UBR3: variants seen among roughly 807,000 people sequenced by gnomAD.
UBR3 encodes ubiquitin protein ligase E3 component n-recognin 3.
In UBR3, 85 loss-of-function variants were observed where a neutral mutation model predicts 243.2. The observed-to-expected ratio is 0.35, with a 90% confidence interval of 0.29 to 0.42. The LOEUF (loss-of-function observed/expected upper bound fraction) is 0.42, where lower values mean the gene tolerates loss of function less well. Ranked by LOEUF, UBR3 falls within the 10% of genes least tolerant of loss-of-function variation. UBR3 has a pLI of 1.00. For missense variants in UBR3, 1,686 were observed against 2,300.8 expected (o/e 0.73, Z 5.47); for synonymous variants, 748 against 799.8 (o/e 0.94, Z 1.09).
intron 1 of UBR3, among the ~76,000 whole-genome samples, chr2:169,840,761 GCCT>G (rs1443247959): frequency 6.6e-6 from 1 of 152,186 alleles, no homozygotes; most frequent in Non-Finnish European, 1.5e-5. Context: ...AGGAAGCCAT[GCCT>G]CCACAGCCTG....
At chr2:169,897,357 C>A (rs539773578) in intron 8 of UBR3, among the ~76,000 whole-genome samples, 1 of 152,092 alleles carries the variant, frequency 6.6e-6, no homozygotes, top group Non-Finnish European at 1.5e-5. Context: ...CTTCAACCTG[C>A]CATAATGTTT....
At chr2:169,891,613 G>GAC (rs3082964) in intron 6 of UBR3, among the ~76,000 whole-genome samples, 40,748 of 148,638 alleles carry the variant, frequency 0.27, 6,397 homozygotes, top group Non-Finnish European at 0.37. Context: ...GAGAGACAGA[G>GAC]ACACACACAC....
Position 169,942,477 on chromosome 2 carries a change from T to C in UBR3, c.2664-16T>C. The C allele has an allele frequency of 6.5e-7, 1 of 1,529,940 alleles. No homozygotes were observed. The highest frequency in any genetic ancestry group is 2.2e-5 in the Admixed American group (1 of 45,570). The allele number at this position is 1,529,940 out of a possible 1,614,324, so 94.8% of individuals were successfully genotyped here. On this transcript the variant is annotated splice_polypyrimidine_tract_variant and intron_variant, in intron 19 of 38. Transcript: ENST00000272793. The stretch of plus-strand genomic sequence containing the variant: ...TGAGGCTATCATCTAATTCTAGTTT[T>C]GTTTTATTTTTACAGTTTAAAACAG...
chr2:169,861,298 T>C (rs911864757), intron 1 of UBR3, among the ~76,000 whole-genome samples: 1 of 152,214 alleles, frequency 6.6e-6, no homozygotes, highest in African/African-American at 2.4e-5. Context: ...CAAACCTTTT[T>C]TCCTACTCGT....
intron 5 of UBR3, among the ~76,000 whole-genome samples, chr2:169,889,015 C>CG (rs2084221851): frequency 1.3e-5 from 2 of 152,120 alleles, no homozygotes; most frequent in Non-Finnish European, 2.9e-5. Context: ...ATTCCTAGAA[C>CG]TGGAATTTCT....
chr2:170,078,395 C>G (rs933280764), intron 36 of UBR3: 2 of 226,308 alleles, frequency 8.8e-6, no homozygotes, highest in Non-Finnish European at 1.7e-5. Context: ...AAGGCAAGAC[C>G]GAATTTTAGG....
intron 31 of UBR3, among the ~76,000 whole-genome samples, chr2:170,035,915 G>GGGGT (rs1239577542): frequency 4.3e-5 from 6 of 138,408 alleles, no homozygotes; most frequent in African/African-American, 1.6e-4. Context: ...TTTATTGGGG[G>GGGGT]GGGGGTTGCT....
At position 169,827,687 on chromosome 2, in the gene UBR3, C is replaced by T. The variant is rs1312803333; in HGVS notation, c.180C>T (p.Ser60=). 16 of 1,210,344 alleles carry T rather than the reference C, an allele frequency of 1.3e-5. No individual in the cohort carries two copies. Among genetic ancestry groups the T allele is most frequent in the African/African-American group, 1.6e-5 (1 of 62,626 alleles). The allele number at this position is 1,210,344 out of a possible 1,614,324, so 75.0% of individuals were successfully genotyped here. The part of the protein sequence containing the change: ...ELQALLERVL[S]AERPLAAAAG... ...AGGCGCTGCTGGAGCGGGTGCTGAG[C>T]GCCGAGCGGCCGCTGGCCGCGGCTG... Residue 60 remains serine (S), a synonymous_variant, in exon 1 of 39, where the codon AGC becomes AGT. Coordinates refer to ENST00000272793, the MANE Select transcript of UBR3 (RefSeq NM_172070.4).
intron 14 of UBR3, 58 bp from the exon 15 acceptor site, chr2:169,926,634 T>G: frequency 1.4e-6 from 2 of 1,452,902 alleles, no homozygotes; most frequent in Non-Finnish European, 1.8e-6. Flanking sequence ...AAAAACATGA[T>G]TAATAGAAGA....
chr2:169,915,239 CT>C (rs34781042), intron 11 of UBR3, among the ~76,000 whole-genome samples: 62,805 of 147,778 alleles, frequency 0.42, 14,617 homozygotes, highest in Non-Finnish European at 0.54. Flanking sequence ...AGGACAGTGA[CT>C]TTTTTTTTTT....
chr2:169,894,701 T>C (rs893979635), intron 6 of UBR3, among the ~76,000 whole-genome samples: 1 of 152,172 alleles, frequency 6.6e-6, no homozygotes, highest in Non-Finnish European at 1.5e-5. Context: ...GGGGTAGTGT[T>C]AATTGAAAAA....
intron 17 of UBR3, among the ~76,000 whole-genome samples, chr2:169,928,054 A>C (rs933483913): frequency 4.6e-5 from 7 of 152,238 alleles, no homozygotes; most frequent in African/African-American, 1.7e-4. Flanking sequence ...AGAATTGGCT[A>C]AACTTTTTAT....
chr2:169,927,185 G>T, intron 16 of UBR3, 135 bp from the exon 17 acceptor site: 1 of 987,484 alleles, frequency 1.0e-6, no homozygotes. Context: ...AGTTATGTTT[G>T]GAGCATAGCT....
At chr2:170,022,173 C>T (rs577553519) in intron 30 of UBR3, among the ~76,000 whole-genome samples, 9 of 152,116 alleles carry the variant, frequency 5.9e-5, no homozygotes, top group African/African-American at 1.7e-4. Flanking sequence ...TGTCGGAAAG[C>T]GAAAAGGGGA....
intron 28 of UBR3, 91 bp from the exon 29 acceptor site, chr2:170,008,713 T>C: frequency 1.6e-6 from 1 of 641,990 alleles, no homozygotes; most frequent in Non-Finnish European, 2.5e-6. Context: ...TTTAATTTCC[T>C]ACTATGTTCA....
chr2:169,969,400 G>C (rs2087980829), intron 24 of UBR3, among the ~76,000 whole-genome samples: 1 of 152,036 alleles, frequency 6.6e-6, no homozygotes, highest in South Asian at 2.1e-4. Flanking sequence ...TCATTTTTCT[G>C]CTTACAGATA....
chr2:169,893,662 T>G (rs2084460341), intron 6 of UBR3, among the ~76,000 whole-genome samples: 1 of 152,156 alleles, frequency 6.6e-6, no homozygotes, highest in Non-Finnish European at 1.5e-5. Flanking sequence ...GCTCAAGCGA[T>G]CCAATCCTCC....
At chr2:169,837,051 A>C (rs1574008270) in intron 1 of UBR3, among the ~76,000 whole-genome samples, 1 of 152,236 alleles carries the variant, frequency 6.6e-6, no homozygotes, top group East Asian at 1.9e-4. Context: ...TGGTTTAAAA[A>C]AATGCTTATA....
chr2:169,904,487 G>A (rs1357652768), intron 8 of UBR3, among the ~76,000 whole-genome samples: 2 of 151,792 alleles, frequency 1.3e-5, no homozygotes, highest in Admixed American at 6.6e-5. Context: ...TAAAGATTTC[G>A]TACAAGCCTA....
Sources: gnomAD v4.1 joint callset for allele counts (sites outside exome capture counted in the v4.1 genomes callset) on GRCh38, gnomAD v4.1.1 for gene constraint, MANE v1.5 for transcripts, NCBI Gene and HGNC (gene_info 2026-07-23, HGNC 2026-07-21) for gene names.